DTWD1: variants seen among roughly 807,000 people sequenced by gnomAD.
The protein encoded by DTWD1 is DTW motif tRNA-uridine aminocarboxypropyltransferase 1, also known as tRNA-uridine aminocarboxypropyltransferase 1.
DTWD1 carries 27 observed loss-of-function variants against 30.2 expected under a neutral mutation model. The ratio of observed to expected loss-of-function variants is 0.90; its 90% confidence interval spans 0.66 to 1.23. The LOEUF is 1.23. Ranked by LOEUF, DTWD1 falls within the 50% of genes most tolerant of loss-of-function variation. The probability of loss-of-function intolerance (pLI) is 0.00; values close to 1 mark genes in which losing one functional copy is unlikely to be tolerated. For missense variants in DTWD1, 342 were observed against 348.8 expected, an observed-to-expected ratio of 0.98 and a Z score of 0.15; for synonymous variants, 99 against 113.1, an observed-to-expected ratio of 0.88 and a Z score of 0.79.
chr15:49,633,256 A>G (rs72731120), intron 3 of DTWD1, among the ~76,000 whole-genome samples: 5 of 152,004 alleles, frequency 3.3e-5, no homozygotes, highest in Non-Finnish European at 5.9e-5. Context: ...GAAGCCCTGG[A>G]CTTTGCTAAC....
At chr15:49,637,258 T>G (rs1211456587) in intron 4 of DTWD1, among the ~76,000 whole-genome samples, 1 of 152,160 alleles carries the variant, frequency 6.6e-6, no homozygotes, top group Non-Finnish European at 1.5e-5. Context: ...GCTAATCTTT[T>G]TGATAATAAT....
intron 4 of DTWD1, among the ~76,000 whole-genome samples, chr15:49,637,027 T>C (rs1489407201): frequency 4.6e-5 from 7 of 152,218 alleles, no homozygotes; most frequent in Non-Finnish European, 8.8e-5. Flanking sequence ...CCTGCATAAA[T>C]TGAATAATTA....
At chr15:49,626,031 A>G (rs2078839607) in intron 2 of DTWD1, among the ~76,000 whole-genome samples, 1 of 152,046 alleles carries the variant, frequency 6.6e-6, no homozygotes, top group Non-Finnish European at 1.5e-5. Context: ...ATTTAGCCCT[A>G]CAGACCACTA....
rs2079170871 is a variant in DTWD1 at position 49,655,054 on chromosome 15, AT to A, written c.*11478del. On this transcript the variant is annotated 3_prime_UTR_variant, in exon 5 of 5. Coordinates refer to ENST00000403028, the MANE Select transcript of DTWD1 (RefSeq NM_001144955.2). ...CAACCTCATGGCTTCTTGGAACCAA[AT>A]TACTTCCCAAAGTCCTCACCTCCAA... 1 of 152,020 alleles carries A rather than the reference AT, an allele frequency of 6.6e-6. No individual in the cohort carries two copies. Among genetic ancestry groups the A allele is most frequent in the Admixed American group, 6.6e-5 (1 of 15,226 alleles). 9.4% of individuals were successfully genotyped at this position (152,020 alleles called of 1,614,324 possible).
chr15:49,622,184 A>T (rs990891361), intron 1 of DTWD1, among the ~76,000 whole-genome samples: 5 of 152,322 alleles, frequency 3.3e-5, no homozygotes, highest in Middle Eastern at 3.4e-3. Context: ...GTTGCATAAG[A>T]ATCAGGAATA....
At chr15:49,622,938 C>T (rs2078787782) in intron 1 of DTWD1, among the ~76,000 whole-genome samples, 1 of 152,174 alleles carries the variant, frequency 6.6e-6, no homozygotes, top group African/African-American at 2.4e-5. Context: ...TAAAGCTTCA[C>T]TAATATCCAT....
At chr15:49,641,161 A>G (rs1221786130) in intron 4 of DTWD1, among the ~76,000 whole-genome samples, 1 of 152,054 alleles carries the variant, frequency 6.6e-6, no homozygotes, top group African/African-American at 2.4e-5. Context: ...TCTTTTAAAT[A>G]TTAAGTTTAG....
At chr15:49,625,569 A>G (rs2078831749) in intron 2 of DTWD1, 138 bp downstream of exon 2, 1 of 961,164 alleles carries the variant, frequency 1.0e-6, no homozygotes, top group East Asian at 2.7e-5. Flanking sequence ...GCAAAGAAAA[A>G]CTAGCACTTA....
At chr15:49,635,793 C>G (rs73406069) in intron 4 of DTWD1, among the ~76,000 whole-genome samples, 9,098 of 152,232 alleles carry the variant, frequency 0.06, 708 homozygotes, top group African/African-American at 0.18. Flanking sequence ...CACGCGCAGC[C>G]TTCCTTACAG....
chr15:49,631,020 G>A (rs773165070), intron 2 of DTWD1: 4 of 442,914 alleles, frequency 9.0e-6, no homozygotes, highest in East Asian at 7.2e-5. Flanking sequence ...TCAAGTTGCA[G>A]GAAAACCAGC....
rs2079111953 is a variant in DTWD1, at chr15:49,645,535, T to C, written c.*1957T>C. 1 of 152,054 alleles carries C rather than the reference T, an allele frequency of 6.6e-6. No individual in the cohort carries two copies. Among genetic ancestry groups the C allele is most frequent in the African/African-American group, 2.4e-5 (1 of 41,388 alleles). The allele number at this position is 152,054 out of a possible 1,614,324, so 9.4% of individuals were successfully genotyped here. On this transcript the variant is annotated 3_prime_UTR_variant, in exon 5 of 5. Transcript: ENST00000403028. ...CATGTTTAGAACTTGGCCCTGGGAA[T>C]AGAGGAAGGCTTGAATTGATTTAAG...
intron 1 of DTWD1, among the ~76,000 whole-genome samples, chr15:49,622,617 C>T (rs1442187169): frequency 6.6e-6 from 1 of 152,196 alleles, no homozygotes; most frequent in African/African-American, 2.4e-5. Context: ...CTTCCTTGCA[C>T]ATATTTGATG....
intron 2 of DTWD1, chr15:49,629,640 T>A (rs1294868200): frequency 6.6e-6 from 1 of 152,212 alleles, no homozygotes; most frequent in African/African-American, 2.4e-5. Context: ...TAGTTTCAAC[T>A]GAGACCGAGC....
intron 2 of DTWD1, chr15:49,626,640 A>G (rs903163668): frequency 3.0e-6 from 1 of 332,416 alleles, no homozygotes; most frequent in Non-Finnish European, 6.3e-6. Flanking sequence ...TAAAAAAAAA[A>G]TAAGTTGTAG....
In DTWD1 at chr15:49,643,663, A is replaced by T; in HGVS notation, c.*85A>T. 2 of 1,410,028 alleles carry T rather than the reference A, an allele frequency of 1.4e-6. No individual in the cohort carries two copies. The highest frequency in any genetic ancestry group is 1.9e-6 in the Non-Finnish European group (2 of 1,049,548). The allele number at this position is 1,410,028 out of a possible 1,614,324, so 87.3% of individuals were successfully genotyped here. A position where few individuals can be genotyped will look rare whatever the true frequency, so the allele number is the denominator to read the frequency against. On this transcript the variant is annotated 3_prime_UTR_variant, in exon 5 of 5. Transcript: ENST00000403028. The stretch of plus-strand genomic sequence containing the variant: ...CTTTGTTTTTTCTTAAGAAATAATC[A>T]TATATAATGCCTGTAAGACCATTTG...
Position 49,631,943 on chromosome 15 carries a change from A to G in DTWD1, c.265-216A>G, listed in dbSNP as rs1057013315. 9.1e-6 allele frequency: 5 copies of G among 550,842 alleles called. No homozygotes were observed. In the Admixed American group the frequency reaches 1.5e-4, roughly 16 times the overall value. The allele number at this position is 550,842 out of a possible 1,614,324, so 34.1% of individuals were successfully genotyped here. A position where few individuals can be genotyped will look rare whatever the true frequency, so the allele number is the denominator to read the frequency against. On this transcript the variant is annotated intron_variant, in intron 2 of 4. Coordinates refer to ENST00000403028, the MANE Select transcript of DTWD1 (RefSeq NM_001144955.2). ...AGATTCTCTGTTAAATGAGTTGAAAATAGTTGTCCTAATACATGAATAACA... is the reference window on the plus strand; with the variant it reads ...AGATTCTCTGTTAAATGAGTTGAAAGTAGTTGTCCTAATACATGAATAACA...
intron 4 of DTWD1, among the ~76,000 whole-genome samples, chr15:49,638,776 A>G (rs1287235183): frequency 1.3e-5 from 2 of 152,190 alleles, no homozygotes; most frequent in African/African-American, 4.8e-5. Flanking sequence ...AAATTTTTAC[A>G]GAAAAATAGC....
At chr15:49,629,432 T>C (rs1421528178) in intron 2 of DTWD1, among the ~76,000 whole-genome samples, 2 of 152,214 alleles carry the variant, frequency 1.3e-5, no homozygotes, top group East Asian at 3.9e-4. Flanking sequence ...CCCTCCAAGA[T>C]AGCTAGCTGA....
rs556949807 is a variant in DTWD1 at position 49,644,241 on chromosome 15, A to C, written c.*663A>C. On this transcript the variant is annotated 3_prime_UTR_variant, in exon 5 of 5. Coordinates refer to ENST00000403028, the MANE Select transcript of DTWD1 (RefSeq NM_001144955.2). ...TAAGGGGCTTTCAGCAGTACCTGAA[A>C]TATAGTAAGTGTTACATATATGTTT... 6.6e-6 allele frequency: 1 copy of C among 152,348 alleles called. No individual in the cohort carries two copies. The highest frequency in any genetic ancestry group is 1.5e-5 in the Non-Finnish European group (1 of 68,032). The allele number at this position is 152,348 out of a possible 1,614,324, so 9.4% of individuals were successfully genotyped here.
Sources: allele counts gnomAD v4.1 joint callset (sites outside exome capture counted in the v4.1 genomes callset), GRCh38; gene constraint gnomAD v4.1.1; transcripts MANE v1.5; gene names NCBI Gene and HGNC (gene_info 2026-07-23, HGNC 2026-07-21).